EFCAB6: variants seen among roughly 807,000 people sequenced by gnomAD.
EFCAB6 encodes the protein EF-hand calcium-binding domain-containing protein 6.
A neutral mutation model predicts 169.8 loss-of-function variants in EFCAB6; 156 were observed. The observed-to-expected ratio is 0.92, with a 90% CI of 0.81 to 1.05. EFCAB6 has a LOEUF of 1.05. EFCAB6 is among the 50% of genes least tolerant of loss of function. EFCAB6 has a pLI of 0.00. For missense variants in EFCAB6, 1,800 were observed against 1,829.1 expected, an observed-to-expected ratio of 0.98 and a Z score of 0.29; for synonymous variants, 698 against 676.4, an observed-to-expected ratio of 1.03 and a Z score of -0.50.
intron 18 of EFCAB6, among the ~76,000 whole-genome samples, chr22:43,634,739 G>A (rs1206118442): frequency 6.6e-6 from 1 of 152,124 alleles, no homozygotes; most frequent in South Asian, 2.1e-4. Flanking sequence ...CCACAGGGAG[G>A]AATAATATTC....
At chr22:43,811,441 G>C (rs1265557413) in intron 1 of EFCAB6, among the ~76,000 whole-genome samples, 2 of 152,132 alleles carry the variant, frequency 1.3e-5, no homozygotes, top group African/African-American at 4.8e-5. Flanking sequence ...CCTCTTAACA[G>C]GGGCAAGACA....
intron 6 of EFCAB6, among the ~76,000 whole-genome samples, chr22:43,749,011 C>A (rs1167129050): frequency 6.6e-6 from 1 of 152,166 alleles, no homozygotes; most frequent in East Asian, 1.9e-4. Flanking sequence ...GCTAAGGAGT[C>A]ACTGACAAAG....
At chr22:43,803,544 A>C (rs375884833) in intron 2 of EFCAB6, among the ~76,000 whole-genome samples, 127 of 152,300 alleles carry the variant, frequency 8.3e-4, no homozygotes, top group Middle Eastern at 3.4e-3. Context: ...TGGCTTGGGA[A>C]AAAAATCAAA....
chr22:43,738,164 TCACA>T (rs965038990), intron 6 of EFCAB6, among the ~76,000 whole-genome samples: 2 of 146,024 alleles, frequency 1.4e-5, no homozygotes, highest in African/African-American at 5.1e-5. Flanking sequence ...ACACCATCAC[TCACA>T]CACATATATG....
At chr22:43,532,330 A>AGGGCTCAGAAGGCGGCACTGGTGT (rs1486350332) in intron 30 of EFCAB6, among the ~76,000 whole-genome samples, 90 of 152,282 alleles carry the variant, frequency 5.9e-4, no homozygotes, top group African/African-American at 2.1e-3. Context: ...TTCACTGGGG[A>AGGGCTCAGAAGGCGGCACTGGTGT]GGGCTCAGAA....
At chr22:43,771,070 G>C (rs1308119297) in intron 4 of EFCAB6, among the ~76,000 whole-genome samples, 1 of 152,162 alleles carries the variant, frequency 6.6e-6, no homozygotes, top group African/African-American at 2.4e-5. Context: ...GTAGTACACA[G>C]CAAATTCTAA....
At chr22:43,700,787 T>C (rs1360832513) in intron 10 of EFCAB6, among the ~76,000 whole-genome samples, 1 of 152,238 alleles carries the variant, frequency 6.6e-6, no homozygotes, top group African/African-American at 2.4e-5. Flanking sequence ...ATGTTGTGCA[T>C]ATCAACATGG....
intron 5 of EFCAB6, 52 bp downstream of exon 5, chr22:43,765,253 T>G (rs2061290343): frequency 1.5e-5 from 21 of 1,400,940 alleles, no homozygotes; most frequent in Non-Finnish European, 2.0e-5. Flanking sequence ...GTCATAGCTC[T>G]TACTCATCAT....
intron 30 of EFCAB6, chr22:43,533,245 C>T (rs982690901): frequency 6.6e-6 from 1 of 152,218 alleles, no homozygotes. Context: ...AGACTCCATC[C>T]ACCACACACA....
intron 8 of EFCAB6, among the ~76,000 whole-genome samples, chr22:43,721,770 A>G (rs2059535711): frequency 6.6e-6 from 1 of 152,182 alleles, no homozygotes; most frequent in South Asian, 2.1e-4. Context: ...AGTAAATGGA[A>G]GACCTCAAAC....
At chr22:43,740,740 C>T (rs967494015) in intron 6 of EFCAB6, among the ~76,000 whole-genome samples, 1 of 152,186 alleles carries the variant, frequency 6.6e-6, no homozygotes, top group Non-Finnish European at 1.5e-5. Flanking sequence ...GGCTCCAGTG[C>T]CTCTGTCCTC....
At chr22:43,539,658 C>A (rs1602131692) in intron 28 of EFCAB6, among the ~76,000 whole-genome samples, 1 of 152,186 alleles carries the variant, frequency 6.6e-6, no homozygotes, top group African/African-American at 2.4e-5. Flanking sequence ...ATTTGACAGG[C>A]CTGGGCTTAA....
At chr22:43,698,208 G>A (rs12627931) in intron 10 of EFCAB6, among the ~76,000 whole-genome samples, 12,037 of 152,088 alleles carry the variant, frequency 0.079, 653 homozygotes, top group South Asian at 0.2. Context: ...GTATCCAACC[G>A]GTCAACAGCA....
chr22:43,554,539 C>A (rs986795928), intron 27 of EFCAB6: 1 of 298,264 alleles, frequency 3.4e-6, no homozygotes, highest in African/African-American at 2.2e-5. Flanking sequence ...ACACTGGCCC[C>A]AGATAGTTGC....
chr22:43,741,231 G>C (rs1340960030), intron 6 of EFCAB6, among the ~76,000 whole-genome samples: 10 of 152,176 alleles, frequency 6.6e-5, no homozygotes. Flanking sequence ...CGGGCTCTGG[G>C]CTTCAGCCAT....
chr22:43,530,769 T>G, intron 31 of EFCAB6, 46 bp downstream of exon 31: 1 of 1,605,188 alleles, frequency 6.2e-7, no homozygotes, highest in Non-Finnish European at 8.5e-7. Flanking sequence ...CGCTGGCATT[T>G]GGCAGCTGCT....
At chr22:43,684,149 G>A (rs937532400) in intron 11 of EFCAB6, among the ~76,000 whole-genome samples, 1 of 152,192 alleles carries the variant, frequency 6.6e-6, no homozygotes, top group Non-Finnish European at 1.5e-5. Flanking sequence ...GACCAATAAA[G>A]GGACCATGGA....
At chr22:43,784,635 A>ATATATACACATATATATATG in intron 2 of EFCAB6, among the ~76,000 whole-genome samples, 1 of 59,180 alleles carries the variant, frequency 1.7e-5, no homozygotes, top group South Asian at 6.7e-4. Context: ...ATATATATGT[A>ATATATACACATATATATATG]TATGTACACA....
chr22:43,790,194 TAAG>T (rs2062233480), intron 2 of EFCAB6, among the ~76,000 whole-genome samples: 1 of 152,216 alleles, frequency 6.6e-6, no homozygotes, highest in African/African-American at 2.4e-5. Context: ...GTCCTGTACG[TAAG>T]AACCACCTCA....
Sources: allele counts gnomAD v4.1 joint callset (sites outside exome capture counted in the v4.1 genomes callset), GRCh38; gene constraint gnomAD v4.1.1; transcripts MANE v1.5; gene names NCBI Gene and HGNC (gene_info 2026-07-23, HGNC 2026-07-21).